The following PAG1 variants were observed in gnomAD, a reference collection of about 807,000 sequenced individuals.
The protein encoded by PAG1 is phosphoprotein associated with glycosphingolipid-enriched microdomains 1.
In PAG1, 23 loss-of-function variants were observed where a neutral mutation model predicts 31.7. The ratio of observed to expected loss-of-function variants is 0.73; its 90% CI spans 0.52 to 1.03. The LOEUF is 1.03. PAG1 is among the 50% of genes least tolerant of loss of function. PAG1 has a pLI of 0.00. For synonymous variants in PAG1, 214 were observed against 210.3 expected, an observed-to-expected ratio of 1.02 and a Z score of -0.15; for missense variants, 473 against 540.7, an observed-to-expected ratio of 0.87 and a Z score of 1.24.
At chr8:81,042,408 T>C (rs1186271468) in intron 2 of PAG1, among the ~76,000 whole-genome samples, 1 of 152,228 alleles carries the variant, frequency 6.6e-6, no homozygotes. Flanking sequence ...GTCACTTGTT[T>C]TTCAAGCTTT....
chr8:81,104,090 C>T (rs1697509947), intron 1 of PAG1, among the ~76,000 whole-genome samples: 1 of 152,212 alleles, frequency 6.6e-6, no homozygotes, highest in African/African-American at 2.4e-5. Context: ...TCCCCTTTCC[C>T]ACCCACCTTC....
chr8:80,980,269 C>A (rs920339780), intron 8 of PAG1, among the ~76,000 whole-genome samples, 166 bp downstream of exon 8: 1 of 152,186 alleles, frequency 6.6e-6, no homozygotes, highest in Non-Finnish European at 1.5e-5. Flanking sequence ...GCCCGTCAGT[C>A]TCTCCAAGCC....
At chr8:80,988,877 T>G (rs1350342218) in intron 5 of PAG1, among the ~76,000 whole-genome samples, 2 of 152,250 alleles carry the variant, frequency 1.3e-5, no homozygotes, top group Admixed American at 1.3e-4. Flanking sequence ...CTGGCTCAGC[T>G]ATAGCTAAGA....
At position 81,015,609 on chromosome 8, in the gene PAG1, C is replaced by CTAATTTTGGTA. The variant is rs1285759431; in HGVS notation, c.-81+14386_-81+14387insTACCAAAATTA. 5.9e-5 allele frequency among the ~76,000 whole-genome samples: 9 copies of CTAATTTTGGTA among 152,290 alleles called. No individual in the cohort carries two copies. In the South Asian group the frequency reaches 1.9e-3, roughly 32 times the overall value. ...AAGAATTTGGCTTAAAATCTGATTT[C>CTAATTTTGGTA]TAATTTTCATAGGAAAAAGTTAATA... On this transcript the variant is annotated intron_variant, in intron 3 of 8. Coordinates refer to ENST00000220597, the MANE Select transcript of PAG1 (RefSeq NM_018440.4).
At chr8:81,024,239 C>T (rs751851430) in intron 3 of PAG1, among the ~76,000 whole-genome samples, 3 of 152,172 alleles carry the variant, frequency 2.0e-5, no homozygotes, top group Non-Finnish European at 2.9e-5. Context: ...AGCTTTGCAT[C>T]GCTGTGATTT....
At chr8:81,011,261 A>G (rs1807978638) in intron 3 of PAG1, among the ~76,000 whole-genome samples, 1 of 152,138 alleles carries the variant, frequency 6.6e-6, no homozygotes, top group African/African-American at 2.4e-5. Context: ...AGCTCCCATT[A>G]TTGCCACATG....
At chr8:81,026,384 T>C (rs952117371) in intron 3 of PAG1, among the ~76,000 whole-genome samples, 1 of 147,902 alleles carries the variant, frequency 6.8e-6, no homozygotes, top group Non-Finnish European at 1.5e-5. Flanking sequence ...AATAAAAGAG[T>C]GTCAGTAAGT....
chr8:81,024,705 TA>T (rs1229583790), intron 3 of PAG1, among the ~76,000 whole-genome samples: 1 of 152,224 alleles, frequency 6.6e-6, no homozygotes, highest in Non-Finnish European at 1.5e-5. Context: ...TGTTTGTTTT[TA>T]GTTTAGGAGT....
In PAG1 at chr8:80,973,990, T is replaced by C. The variant is rs1439187485; in HGVS notation, c.*2554A>G. On this transcript the variant is annotated 3_prime_UTR_variant, in exon 9 of 9. Coordinates refer to ENST00000220597, the MANE Select transcript of PAG1 (RefSeq NM_018440.4). ...CCTTTAAAAGTACACTGAAAATACT[T>C]TATATCACAGCTTATTCTAACCACT... The C allele has an allele frequency of 2.0e-5, 3 of 152,156 alleles. No homozygotes were observed. Among genetic ancestry groups the C allele is most frequent in the Admixed American group, 1.3e-4 (2 of 15,274 alleles). The allele number at this position is 152,156 out of a possible 1,614,324, so 9.4% of individuals were successfully genotyped here.
At chr8:81,079,101 T>A (rs113650181) in intron 1 of PAG1, among the ~76,000 whole-genome samples, 6 of 152,178 alleles carry the variant, frequency 3.9e-5, no homozygotes, top group African/African-American at 1.4e-4. Flanking sequence ...TAACATAGAT[T>A]AGCAACCAGA....
At chr8:81,057,385 C>T (rs1808842021) in intron 2 of PAG1, among the ~76,000 whole-genome samples, 1 of 152,086 alleles carries the variant, frequency 6.6e-6, no homozygotes, top group Non-Finnish European at 1.5e-5. Flanking sequence ...GAATACTATG[C>T]AGCCATAAAA....
intron 3 of PAG1, among the ~76,000 whole-genome samples, chr8:81,026,512 C>T (rs1383149018): frequency 6.6e-6 from 1 of 150,844 alleles, no homozygotes; most frequent in Non-Finnish European, 1.5e-5. Context: ...CCCCGAGCCA[C>T]GATGATGACA....
chr8:81,094,057 G>C (rs1178535512), intron 1 of PAG1, among the ~76,000 whole-genome samples: 1 of 152,174 alleles, frequency 6.6e-6, no homozygotes, highest in Non-Finnish European at 1.5e-5. Flanking sequence ...GCTGCGGTAG[G>C]GCTCACTGCG....
chr8:80,996,679 C>G (rs1807679827), intron 3 of PAG1, among the ~76,000 whole-genome samples: 1 of 152,174 alleles, frequency 6.6e-6, no homozygotes, highest in African/African-American at 2.4e-5. Context: ...CTTGGAGCAG[C>G]TGAGGGTAGA....
intron 3 of PAG1, among the ~76,000 whole-genome samples, chr8:80,995,646 C>T (rs1586152852): frequency 1.3e-5 from 2 of 152,238 alleles, no homozygotes; most frequent in African/African-American, 2.4e-5. Context: ...TCTGTTTGTT[C>T]TTCATTCATT....
chr8:81,022,185 C>T (rs1808184237), intron 3 of PAG1, among the ~76,000 whole-genome samples: 1 of 152,202 alleles, frequency 6.6e-6, no homozygotes, highest in African/African-American at 2.4e-5. Flanking sequence ...AGTTCTTTAC[C>T]ATGTACTTCC....
At chr8:81,077,045 C>T (rs765953622) in intron 1 of PAG1, among the ~76,000 whole-genome samples, 3 of 152,170 alleles carry the variant, frequency 2.0e-5, no homozygotes, top group Admixed American at 6.5e-5. Flanking sequence ...TTCATAGAAT[C>T]GTAGAGTTAA....
In PAG1 at chr8:80,987,441, C is replaced by T. The variant is rs370381563; in HGVS notation, c.203G>A (p.Arg68His). 115 of 1,613,504 alleles carry T rather than the reference C, an allele frequency of 7.1e-5. No homozygotes were observed. Among genetic ancestry groups the T allele is most frequent in the Admixed American group, 1.7e-4 (10 of 60,004 alleles). ...NVPSDKEMFS[R>H]SVTSLATDAP... The stretch of plus-strand genomic sequence containing the variant: ...ATCTGTTGCCAGGCTAGTAACTGAA[C>T]GGCTGAACATCTCCTTGTCTGAAGG... The change falls in exon 6 of 9, where the codon CGT becomes CAT. Residue 68 changes from arginine to histidine, a missense_variant. Arg to His is a conservative substitution (Grantham distance 29). Coordinates refer to ENST00000220597, the MANE Select transcript of PAG1 (RefSeq NM_018440.4).
rs367805733 is a variant in PAG1, at chr8:81,064,286, G to A, written c.-175+5826C>T. Reference sequence around the variant, plus strand: ...ACAACCTAGATCCCTCACATGTGCAGTTCACTATAGAGTCCATGCTTCTGT... The same window carrying A: ...ACAACCTAGATCCCTCACATGTGCAATTCACTATAGAGTCCATGCTTCTGT... On this transcript the variant is annotated intron_variant, in intron 2 of 8. Coordinates refer to ENST00000220597, the MANE Select transcript of PAG1 (RefSeq NM_018440.4). 7.9e-5 allele frequency among the ~76,000 whole-genome samples: 12 copies of A among 152,098 alleles called. No individual in the cohort carries two copies. The South Asian group carries it at 8.3e-4, about 11-fold the overall frequency.
Sources: allele counts gnomAD v4.1 joint callset (sites outside exome capture counted in the v4.1 genomes callset), GRCh38; gene constraint gnomAD v4.1.1; transcripts MANE v1.5; gene names NCBI Gene and HGNC (gene_info 2026-07-23, HGNC 2026-07-21).